RFLNA: variants seen among roughly 807,000 people sequenced by gnomAD.
The protein encoded by RFLNA is refilin A, also known as refilin-A.
RFLNA carries 5 observed loss-of-function variants against 7.8 expected under a neutral mutation model. The observed-to-expected ratio is 0.64, with a 90% CI of 0.34 to 1.35. RFLNA has a LOEUF of 1.35. RFLNA is among the 40% of genes most tolerant of loss of function. RFLNA has a pLI of 0.04. For synonymous variants in RFLNA, 141 were observed against 131.3 expected (o/e 1.07, Z -0.50); for missense variants, 278 against 305.5 (o/e 0.91, Z 0.67).
At chr12:124,302,866 G>GAGGGCCGAGGTCAGGGGCCGAGGTCAGA (rs71088995) in intron 1 of RFLNA, among the ~76,000 whole-genome samples, 2 of 37,000 alleles carry the variant, frequency 5.4e-5, no homozygotes, top group Non-Finnish European at 2.1e-4. Context: ...GCCGAGGTCA[G>GAGGGCCGAGGTCAGGGGCCGAGGTCAGA]GGGCCGAGGT....
At chr12:124,309,377 A>C (rs1367469514) in intron 1 of RFLNA, among the ~76,000 whole-genome samples, 2 of 152,202 alleles carry the variant, frequency 1.3e-5, no homozygotes, top group Non-Finnish European at 2.9e-5. Flanking sequence ...TTCAGGCAGC[A>C]AGCTGCGACG....
chr12:124,309,633 C>T (rs2034202547), intron 1 of RFLNA, among the ~76,000 whole-genome samples: 1 of 152,250 alleles, frequency 6.6e-6, no homozygotes. Context: ...CGCCCTTCAC[C>T]TCCCTGAGCC....
intron 1 of RFLNA, among the ~76,000 whole-genome samples, chr12:124,298,779 T>C (rs1419850010): frequency 6.6e-6 from 1 of 152,058 alleles, no homozygotes; most frequent in Non-Finnish European, 1.5e-5. Context: ...GAGGTGGTGG[T>C]TAATAGAAAC....
intron 1 of RFLNA, among the ~76,000 whole-genome samples, chr12:124,302,615 C>A (rs931461967): frequency 6.6e-6 from 1 of 152,206 alleles, no homozygotes; most frequent in Non-Finnish European, 1.5e-5. Flanking sequence ...GGTGGGAATT[C>A]TTGGTGCTTA....
rs566374042 is a variant in RFLNA at position 124,289,856 on chromosome 12, C to T, written c.-37+486C>T. ...CCCGGGGCAGGGAGGCATCCCTGGG[C>T]CAGGCACTAGGACCTGGCCTGCTGA... On this transcript the variant is annotated intron_variant, in intron 1 of 2. Transcript: ENST00000324038. This position sits in a 1 kb window ranked among gnomAD's most constrained non-coding sequence, Gnocchi z 5.0. 6.6e-6 allele frequency among the ~76,000 whole-genome samples: 1 copy of T among 152,284 alleles called. No homozygotes were observed. Among genetic ancestry groups the T allele is most frequent in the East Asian group, 1.9e-4 (1 of 5,182 alleles).
At chr12:124,311,006 T>C (rs1353377164) in intron 1 of RFLNA, among the ~76,000 whole-genome samples, 2 of 152,222 alleles carry the variant, frequency 1.3e-5, no homozygotes, top group African/African-American at 4.8e-5. Flanking sequence ...TTGAACAATG[T>C]TGGAAAGACT....
At chr12:124,298,347 C>A (rs1436656053) in intron 1 of RFLNA, among the ~76,000 whole-genome samples, 2 of 152,100 alleles carry the variant, frequency 1.3e-5, no homozygotes, top group Admixed American at 6.5e-5. Context: ...CGCCCCCCAC[C>A]CACTAAGGCA....
chr12:124,308,235 G>C (rs2034172236), intron 1 of RFLNA, among the ~76,000 whole-genome samples: 1 of 152,190 alleles, frequency 6.6e-6, no homozygotes, highest in Non-Finnish European at 1.5e-5. Flanking sequence ...ACCCACCTCG[G>C]CCTCCCAAAG....
upstream of RFLNA, among the ~76,000 whole-genome samples, chr12:124,290,926 G>A (rs933246736): frequency 2.6e-5 from 4 of 152,222 alleles, no homozygotes; most frequent in Admixed American, 6.5e-5. This position sits in a 1 kb window ranked among gnomAD's most constrained non-coding sequence, Gnocchi z 4.0. Context: ...CCAGGCAGCC[G>A]AGCGTGCACA....
chr12:124,304,279 C>T (rs373378564), intron 1 of RFLNA, among the ~76,000 whole-genome samples: 16 of 152,366 alleles, frequency 1.1e-4, no homozygotes, highest in African/African-American at 1.9e-4. Context: ...GGGGACTTCC[C>T]GAGCCGTCTC....
upstream of RFLNA, among the ~76,000 whole-genome samples, chr12:124,292,761 G>C (rs1327552865): frequency 2.0e-5 from 3 of 152,186 alleles, no homozygotes; most frequent in African/African-American, 7.2e-5. Context: ...TGATAAGCGG[G>C]CTTCTAGATC....
At position 124,314,392 on chromosome 12, in the gene RFLNA, A is replaced by T. The variant is rs778057181; in HGVS notation, c.518A>T (p.Lys173Met). 2 of 1,611,000 alleles carry T rather than the reference A, an allele frequency of 1.2e-6. No individual in the cohort carries two copies. The highest frequency in any genetic ancestry group is 1.7e-6 in the Non-Finnish European group (2 of 1,179,904). Residue 173 changes from lysine to methionine, a missense_variant, in exon 3 of 3, where the codon AAG becomes ATG. Coordinates refer to ENST00000546355, the MANE Select transcript of RFLNA (RefSeq NM_001365156.1). ...RFRSTTIIFPKHARSTFRTTL... is the reference protein window; with the variant it reads ...RFRSTTIIFPMHARSTFRTTL... ...CGCAGCACCACCATCATCTTCCCCA[A>T]GCATGCCAGGAGCACTTTCCGGACC... is the stretch of plus-strand genomic sequence containing the variant.
At chr12:124,312,435 C>T (rs537464205) in intron 2 of RFLNA, among the ~76,000 whole-genome samples, 51 of 151,998 alleles carry the variant, frequency 3.4e-4, no homozygotes, top group Non-Finnish European at 1.6e-4. Context: ...CTCAGCCTCC[C>T]GAGTAGCTGA....
rs907692914 is a variant in RFLNA at position 124,314,085 on chromosome 12, T to G, written c.318-107T>G. The G allele has an allele frequency of 8.6e-6, 12 of 1,392,240 alleles. No individual in the cohort carries two copies. In the South Asian group the frequency reaches 1.7e-4, roughly 20 times the overall value. The allele number at this position is 1,392,240 out of a possible 1,614,324, so 86.2% of individuals were successfully genotyped here. A position where few individuals can be genotyped will look rare whatever the true frequency, so the allele number is the denominator to read the frequency against. On this transcript the variant is annotated intron_variant, in intron 2 of 2. Coordinates refer to ENST00000546355, the MANE Select transcript of RFLNA (RefSeq NM_001365156.1). ...ACATTTCAGAGCAGCCCACACCCGT[T>G]AGGCTTCAGAGCATCTGCCCAGGGC...
At chr12:124,310,192 A>AAAAAG (rs2034215924) in intron 1 of RFLNA, among the ~76,000 whole-genome samples, 1 of 146,880 alleles carries the variant, frequency 6.8e-6, no homozygotes, top group African/African-American at 2.5e-5. Context: ...AAAAAAAAAA[A>AAAAAG]AAAAGCCTTT....
intron 1 of RFLNA, among the ~76,000 whole-genome samples, chr12:124,304,529 C>T (rs536689955): frequency 2.6e-5 from 4 of 152,236 alleles, no homozygotes; most frequent in African/African-American, 4.8e-5. Flanking sequence ...TCGGCGCCCA[C>T]GTTCCAGGTG....
At chr12:124,290,271 T>C (rs1387291826), upstream of RFLNA, among the ~76,000 whole-genome samples, 2 of 152,174 alleles carry the variant, frequency 1.3e-5, no homozygotes, top group Non-Finnish European at 2.9e-5. This position sits in a 1 kb window ranked among gnomAD's most constrained non-coding sequence, Gnocchi z 4.0. Flanking sequence ...TGGGTACATG[T>C]GTGTATATGT....
chr12:124,313,457 TC>T (rs1010682322), intron 2 of RFLNA, among the ~76,000 whole-genome samples: 1 of 152,146 alleles, frequency 6.6e-6, no homozygotes. Context: ...GGCGGGCGGA[TC>T]ACGAGGTCAG....
intron 1 of RFLNA, among the ~76,000 whole-genome samples, chr12:124,298,486 G>A (rs1030122442): frequency 2.0e-5 from 3 of 152,216 alleles, no homozygotes; most frequent in Non-Finnish European, 4.4e-5. Flanking sequence ...TTGGAGCAAA[G>A]GTGGGAACAT....
Sources: gnomAD v4.1 joint callset for allele counts (sites outside exome capture counted in the v4.1 genomes callset) on GRCh38, gnomAD v4.1.1 for gene constraint, Gnocchi (gnomAD v3.1) non-coding constraint, MANE v1.5 for transcripts, NCBI Gene and HGNC (gene_info 2026-07-23, HGNC 2026-07-21) for gene names.